Variants in KHDRBS1 observed in about 807,000 individuals in gnomAD.
KHDRBS1 encodes KH domain-containing, RNA-binding, signal transduction-associated protein 1.
KHDRBS1 carries 7 observed loss-of-function variants against 48.4 expected under a neutral mutation model. The ratio of observed to expected loss-of-function variants is 0.14; its 90% CI spans 0.08 to 0.27. The LOEUF is 0.27. KHDRBS1 is among the 10% of genes least tolerant of loss of function. The pLI, the probability that KHDRBS1 is intolerant of heterozygous loss-of-function variation, is 1.00. For missense variants in KHDRBS1, 458 were observed against 601.2 expected (o/e 0.76, Z 2.49); for synonymous variants, 241 against 235.8 (o/e 1.02, Z -0.20).
Position 32,014,000 on chromosome 1 carries a change from A to T in KHDRBS1, c.5A>T (p.Gln2Leu). The change falls in exon 1 of 9, where the codon CAG (glutamine) becomes CTG (leucine). Residue 2 changes from glutamine (Q) to leucine (L), a missense_variant. This residue lies in a region of KHDRBS1 where 213 missense variants were observed against 215.6 expected (regional missense o/e 0.99). Coordinates refer to ENST00000327300, the MANE Select transcript of KHDRBS1 (RefSeq NM_006559.3). Reference protein sequence around the residue: MQRRDDPAARMS... With the variant: MLRRDDPAARMS... ...TTGGATCGCACATCCTCCCAGATGC[A>T]GCGCCGGGACGACCCCGCCGCGCGC... 6.6e-7 allele frequency: 1 copy of T among 1,516,156 alleles called. No individual in the cohort carries two copies. The highest frequency in any genetic ancestry group is 8.7e-7 in the Non-Finnish European group (1 of 1,143,108). The allele number at this position is 1,516,156 out of a possible 1,614,324, so 93.9% of individuals were successfully genotyped here. A position where few individuals can be genotyped will look rare whatever the true frequency, so the allele number is the denominator to read the frequency against.
chr1:32,034,549 A>G (rs1233475347), intron 4 of KHDRBS1, among the ~76,000 whole-genome samples: 4 of 152,100 alleles, frequency 2.6e-5, no homozygotes, highest in Non-Finnish European at 2.9e-5. Flanking sequence ...AACAAGAGTG[A>G]AACTCCATCT....
At chr1:32,019,933 G>A (rs1044025234) in intron 1 of KHDRBS1, among the ~76,000 whole-genome samples, 2 of 151,786 alleles carry the variant, frequency 1.3e-5, no homozygotes, top group Non-Finnish European at 1.5e-5. Context: ...CACCATGCCC[G>A]GCTGATTTTT....
At chr1:32,025,005 C>T (rs1276641445) in intron 1 of KHDRBS1, among the ~76,000 whole-genome samples, 21 of 151,674 alleles carry the variant, frequency 1.4e-4, no homozygotes, top group South Asian at 1.0e-3. Flanking sequence ...TAGTAGGTCA[C>T]GCCTATAATC....
At chr1:32,046,876 G>T (rs1472703882), downstream of KHDRBS1, among the ~76,000 whole-genome samples, 1 of 152,166 alleles carries the variant, frequency 6.6e-6, no homozygotes, top group African/African-American at 2.4e-5. Context: ...CTGGGCACCT[G>T]GCAAGTCCTA....
At position 32,014,024 on chromosome 1, in the gene KHDRBS1, G is replaced by A; in HGVS notation, c.29G>A (p.Arg10His). 5 of 1,526,490 alleles carry A rather than the reference G, an allele frequency of 3.3e-6. No individual in the cohort carries two copies. Among genetic ancestry groups the A allele is most frequent in the African/African-American group, 1.4e-5 (1 of 69,854 alleles). 94.6% of individuals were successfully genotyped at this position (1,526,490 alleles called of 1,614,324 possible). A position where few individuals can be genotyped will look rare whatever the true frequency, so the allele number is the denominator to read the frequency against. MQRRDDPAA[R>H]MSRSSGRSGS... Reference sequence around the variant, plus strand: ...CAGCGCCGGGACGACCCCGCCGCGCGCATGAGCCGGTCTTCGGGCCGTAGC... The same window carrying A: ...CAGCGCCGGGACGACCCCGCCGCGCACATGAGCCGGTCTTCGGGCCGTAGC... The change falls in exon 1 of 9, where the codon CGC becomes CAC. Residue 10 changes from arginine (R) to histidine (H), a missense_variant. Coordinates refer to ENST00000327300, the MANE Select transcript of KHDRBS1 (RefSeq NM_006559.3).
At position 32,038,589 on chromosome 1, in the gene KHDRBS1, G is replaced by A. The variant is rs1264506312; in HGVS notation, c.1145G>A (p.Gly382Asp). 6.2e-7 allele frequency: 1 copy of A among 1,613,816 alleles called. No individual in the cohort carries two copies. The highest frequency in any genetic ancestry group is 1.7e-5 in the Admixed American group (1 of 60,012). Reference sequence around the variant, plus strand: ...ACATACGCAGAACAAAGTTACGAAGGCTACGAAGGCTATTACAGCCAGAGT... The same window carrying A: ...ACATACGCAGAACAAAGTTACGAAGACTACGAAGGCTATTACAGCCAGAGT... ...DDTYAEQSYE[G>D]YEGYYSQSQG... The change falls in exon 7 of 9, where the codon GGC becomes GAC. Residue 382 changes from glycine (G) to aspartate (D), a missense_variant. Around this residue, in one of 3 missense-constraint regions of KHDRBS1, gnomAD observed 171 missense variants for 228.7 expected, o/e 0.75. Transcript: ENST00000327300.
At chr1:32,025,734 C>T (rs1356491053) in intron 1 of KHDRBS1, among the ~76,000 whole-genome samples, 1 of 127,336 alleles carries the variant, frequency 7.9e-6, no homozygotes, top group African/African-American at 3.0e-5. Context: ...TCCCTTCCCT[C>T]CTTCCTTCCT....
intron 1 of KHDRBS1, among the ~76,000 whole-genome samples, chr1:32,019,116 C>A (rs113511719): frequency 0.016 from 2,242 of 142,926 alleles, 72 homozygotes; most frequent in African/African-American, 0.065. Context: ...AACAAACAAA[C>A]AAAAAACCAG....
chr1:32,039,639 A>G (rs1415460471), intron 8 of KHDRBS1, 66 bp downstream of exon 8: 12 of 864,144 alleles, frequency 1.4e-5, no homozygotes, highest in African/African-American at 1.3e-4. Flanking sequence ...GCTGGTGACT[A>G]AAGTATTGAG....
chr1:32,053,088 G>A (rs1639443163), intron 10 of KHDRBS1, among the ~76,000 whole-genome samples: 1 of 152,196 alleles, frequency 6.6e-6, no homozygotes, highest in Non-Finnish European at 1.5e-5. Flanking sequence ...AGGAGGTCAA[G>A]GCTGCAGTGA....
chr1:32,048,906 T>C (rs984722564), intron 10 of KHDRBS1, among the ~76,000 whole-genome samples: 2 of 151,962 alleles, frequency 1.3e-5, no homozygotes, highest in Non-Finnish European at 2.9e-5. Flanking sequence ...CTGCTTTCTG[T>C]CTCTAAAGAT....
chr1:32,016,723 T>C (rs990675560), intron 1 of KHDRBS1, among the ~76,000 whole-genome samples: 2 of 152,072 alleles, frequency 1.3e-5, no homozygotes, highest in Non-Finnish European at 2.9e-5. Flanking sequence ...CTTTCCTGGG[T>C]TTACTTTATT....
chr1:32,031,467 G>T, intron 2 of KHDRBS1, 57 bp from the exon 3 acceptor site: 1 of 1,084,580 alleles, frequency 9.2e-7, no homozygotes, highest in Non-Finnish European at 1.4e-6. Flanking sequence ...GGTAATTTAT[G>T]TGGAAATGTT....
chr1:32,054,074 CAAAAA>C (rs575542289), intron 10 of KHDRBS1, among the ~76,000 whole-genome samples: 21 of 148,556 alleles, frequency 1.4e-4, no homozygotes, highest in Non-Finnish European at 1.9e-4. Flanking sequence ...AACTGCATCT[CAAAAA>C]AAAACATTTA....
chr1:32,049,148 C>A (rs1028559278), intron 10 of KHDRBS1, among the ~76,000 whole-genome samples: 1 of 151,638 alleles, frequency 6.6e-6, no homozygotes, highest in African/African-American at 2.4e-5. Context: ...GCAACCTCCG[C>A]CTCCCAGGTT....
intron 4 of KHDRBS1, 87 bp downstream of exon 4, chr1:32,033,421 C>A (rs1196322668): frequency 1.9e-6 from 3 of 1,547,918 alleles, no homozygotes; most frequent in Admixed American, 3.6e-5. Flanking sequence ...TAACTAAGGT[C>A]TCTGCATAAC....
At chr1:32,044,417 C>T (rs1464003001), downstream of KHDRBS1, among the ~76,000 whole-genome samples, 4 of 152,184 alleles carry the variant, frequency 2.6e-5, no homozygotes, top group East Asian at 7.7e-4. Context: ...GCATGATAGG[C>T]TGGCTCTGAA....
At chr1:32,018,897 CCT>C (rs966133012) in intron 1 of KHDRBS1, among the ~76,000 whole-genome samples, 7 of 152,092 alleles carry the variant, frequency 4.6e-5, no homozygotes, top group Non-Finnish European at 8.8e-5. Flanking sequence ...ATGGTGAAAC[CCT>C]GTCTCTACTA....
rs1638685137 is a variant in KHDRBS1 at position 32,014,151 on chromosome 1, C to T, written c.156C>T (p.Arg52=). 7.7e-7 allele frequency: 1 copy of T among 1,303,106 alleles called. No individual in the cohort carries two copies. The highest frequency in any genetic ancestry group is 9.7e-7 in the Non-Finnish European group (1 of 1,026,890). The allele number at this position is 1,303,106 out of a possible 1,614,324, so 80.7% of individuals were successfully genotyped here. A position where few individuals can be genotyped will look rare whatever the true frequency, so the allele number is the denominator to read the frequency against. ...HRSRGGGGGS[R]GGARASPATQ... The stretch of plus-strand genomic sequence containing the variant: ...CCCGGGGAGGCGGAGGGGGATCCCG[C>T]GGGGGCGCCCGGGCCTCGCCCGCCA... Residue 52 remains arginine, a synonymous_variant, in exon 1 of 9, where the codon CGC becomes CGT. Transcript: ENST00000327300.
Sources: allele counts gnomAD v4.1 joint callset (sites outside exome capture counted in the v4.1 genomes callset), GRCh38; gene constraint gnomAD v4.1.1; regional missense constraint gnomAD v4.1.1; transcripts MANE v1.5; gene names NCBI Gene and HGNC (gene_info 2026-07-23, HGNC 2026-07-21).